UNC13C: variants seen among roughly 807,000 people sequenced by gnomAD.
UNC13C encodes the protein unc-13 homolog C, also known as protein unc-13 homolog C.
A neutral mutation model predicts 245.4 loss-of-function variants in UNC13C; 174 were observed. The ratio of observed to expected loss-of-function variants is 0.71; its 90% confidence interval spans 0.63 to 0.80. The LOEUF is 0.80. UNC13C is among the 30% of genes least tolerant of loss of function. UNC13C has a pLI of 0.00. For synonymous variants in UNC13C, 992 were observed against 895.1 expected (o/e 1.11, Z -1.93); for missense variants, 2,829 against 2,602.9 (o/e 1.09, Z -1.89).
At chr15:53,984,813 C>T (rs1382223) in intron 1 of UNC13C, among the ~76,000 whole-genome samples, 16 of 151,914 alleles carry the variant, frequency 1.1e-4, no homozygotes, top group African/African-American at 3.9e-4. Flanking sequence ...CTGCTGTGTC[C>T]TAAAATGGGA....
intron 2 of UNC13C, among the ~76,000 whole-genome samples, chr15:54,078,293 A>T (rs536743378): frequency 1.3e-5 from 2 of 152,298 alleles, no homozygotes; most frequent in African/African-American, 4.8e-5. Flanking sequence ...TGCTGCAATA[A>T]CCATAAGAGT....
chr15:53,873,399 A>T, the UNC13C span, among the ~76,000 whole-genome samples: 2 of 152,064 alleles, frequency 1.3e-5, no homozygotes, highest in African/African-American at 4.8e-5. Flanking sequence ...TGCTCGCAAG[A>T]TCGCTCAACT....
intron 18 of UNC13C, among the ~76,000 whole-genome samples, chr15:54,403,546 C>G (rs1567242532): frequency 6.6e-6 from 1 of 151,692 alleles, no homozygotes. Flanking sequence ...GAGACCCCGT[C>G]TCTACAAAAA....
chr15:54,327,401 TA>T (rs2038326316), intron 14 of UNC13C, among the ~76,000 whole-genome samples: 1 of 152,104 alleles, frequency 6.6e-6, no homozygotes, highest in African/African-American at 2.4e-5. Context: ...TTTTTTTTTT[TA>T]CTTAGCTGAG....
At position 54,339,277 on chromosome 15, in the gene UNC13C, T is replaced by C. The variant is rs533396271; in HGVS notation, c.4713+788T>C. 2.0e-5 allele frequency among the ~76,000 whole-genome samples: 3 copies of C among 152,336 alleles called. No individual in the cohort carries two copies. In the East Asian group the frequency reaches 5.8e-4, roughly 29 times the overall value. ...GGCTATTATTATTATTTTAAATTTT[T>C]ATTTCCATAGGTTTTTGGGGAACAA... On this transcript the variant is annotated intron_variant, in intron 17 of 32. Transcript: ENST00000260323.
chr15:53,854,613 G>T, the UNC13C span, among the ~76,000 whole-genome samples: 1 of 152,108 alleles, frequency 6.6e-6, no homozygotes, highest in African/African-American at 2.4e-5. Context: ...GTAGGTGTGT[G>T]GTCTTATTTC....
At position 54,048,938 on chromosome 15, in the gene UNC13C, T is replaced by C. The variant is rs145534007; in HGVS notation, c.2983+33052T>C. 609 of 291,282 alleles carry C rather than the reference T, an allele frequency of 2.1e-3. 7 individuals carry two copies. The highest frequency in any genetic ancestry group is 0.013 in the African/African-American group (590 of 44,124). 18.0% of individuals were successfully genotyped at this position (291,282 alleles called of 1,614,324 possible). ...AATACCACACTGTAAATTGAGTATCTTGAAGCCTGCAAAGGACATTGCATG... is the reference window on the plus strand; with the variant it reads ...AATACCACACTGTAAATTGAGTATCCTGAAGCCTGCAAAGGACATTGCATG... On this transcript the variant is annotated intron_variant, in intron 2 of 32. Transcript: ENST00000260323.
At chr15:53,962,048 C>T in the UNC13C span, among the ~76,000 whole-genome samples, 2,813 of 152,292 alleles carry the variant, frequency 0.018, 50 homozygotes, top group South Asian at 0.059. Context: ...GATAGCTCCT[C>T]TCTATCTCCA....
chr15:54,094,681 G>T (rs1027176440), intron 2 of UNC13C, among the ~76,000 whole-genome samples: 2 of 152,072 alleles, frequency 1.3e-5, no homozygotes, highest in Non-Finnish European at 2.9e-5. Context: ...CTTCCCTAAA[G>T]TCTTAGTTCA....
At chr15:54,229,618 T>C (rs1004119700) in intron 4 of UNC13C, among the ~76,000 whole-genome samples, 1 of 152,206 alleles carries the variant, frequency 6.6e-6, no homozygotes, top group Non-Finnish European at 1.5e-5. Context: ...CACATAGTTA[T>C]ATTTATGGGG....
chr15:53,854,165 G>C, the UNC13C span, among the ~76,000 whole-genome samples: 1 of 136,440 alleles, frequency 7.3e-6, no homozygotes, highest in Non-Finnish European at 1.5e-5. Context: ...CTGCCACCCA[G>C]GCTGGAGTGC....
the UNC13C span, among the ~76,000 whole-genome samples, chr15:53,892,756 A>T: frequency 6.6e-6 from 1 of 152,104 alleles, no homozygotes; most frequent in Non-Finnish European, 1.5e-5. Flanking sequence ...TGGTTATTCT[A>T]GTTAGAAATT....
Position 54,366,963 on chromosome 15 carries a change from A to G in UNC13C, c.4714-26085A>G, listed in dbSNP as rs1194505081. ...CCAGGAATTGTTGAGCTCTCACACA[A>G]CTGTCTTCTCACAGGAAAACTGGAT... On this transcript the variant is annotated intron_variant, in intron 17 of 32. Coordinates refer to ENST00000260323, the MANE Select transcript of UNC13C (RefSeq NM_001080534.3). Among the ~76,000 whole-genome samples the G allele has an allele frequency of 3.3e-5, 5 of 152,112 alleles. 1 individual carries two copies. The highest frequency in any genetic ancestry group is 1.3e-4 in the Admixed American group (2 of 15,258).
chr15:54,321,167 G>A, intron 13 of UNC13C: 1 of 517,476 alleles, frequency 1.9e-6, no homozygotes, highest in Non-Finnish European at 3.8e-6. Flanking sequence ...TCACAGTTGT[G>A]GCCATTCACA....
At chr15:54,332,415 G>A (rs1296017150) in intron 15 of UNC13C, among the ~76,000 whole-genome samples, 2 of 151,548 alleles carry the variant, frequency 1.3e-5, no homozygotes, top group Non-Finnish European at 2.9e-5. Flanking sequence ...GCTAATTCAT[G>A]AAGTAGACTA....
At chr15:54,408,215 A>AG (rs1555460122) in intron 18 of UNC13C, among the ~76,000 whole-genome samples, 1 of 148,328 alleles carries the variant, frequency 6.7e-6, no homozygotes, top group Non-Finnish European at 1.5e-5. Flanking sequence ...AAAAAAAAAA[A>AG]AAAAAAAAAA....
intron 30 of UNC13C, among the ~76,000 whole-genome samples, chr15:54,577,634 A>G (rs1898012985): frequency 6.6e-6 from 1 of 152,102 alleles, no homozygotes; most frequent in South Asian, 2.1e-4. Context: ...AAGCTTCTCA[A>G]TGTCTTTCCT....
chr15:54,077,864 T>G (rs1355463686), intron 2 of UNC13C, among the ~76,000 whole-genome samples: 1 of 152,214 alleles, frequency 6.6e-6, no homozygotes, highest in Non-Finnish European at 1.5e-5. Context: ...TTGTGCAGAT[T>G]TGTTACGTGA....
chr15:54,395,698 C>A (rs781698131), intron 18 of UNC13C, among the ~76,000 whole-genome samples: 2 of 151,764 alleles, frequency 1.3e-5, no homozygotes, highest in Non-Finnish European at 3.0e-5. Flanking sequence ...TAGTGAAGTT[C>A]TTATTGTTAT....
Sources: gnomAD v4.1 joint callset for allele counts (sites outside exome capture counted in the v4.1 genomes callset) on GRCh38, gnomAD v4.1.1 for gene constraint, MANE v1.5 for transcripts, NCBI Gene and HGNC (gene_info 2026-07-23, HGNC 2026-07-21) for gene names.